The following ANKRD12 variants were observed in gnomAD, a reference collection of about 807,000 sequenced individuals.
ANKRD12 encodes ankyrin repeat domain 12.
ANKRD12 carries 85 observed loss-of-function variants against 183.4 expected under a neutral mutation model. The observed-to-expected ratio is 0.46, with a 90% CI of 0.39 to 0.56. The LOEUF (loss-of-function observed/expected upper bound fraction) is 0.56. Ranked by LOEUF, ANKRD12 falls within the 20% of genes least tolerant of loss-of-function variation. ANKRD12 has a pLI of 0.00. For missense variants in ANKRD12, 2,405 were observed against 2,357.1 expected (o/e 1.02, Z -0.42); for synonymous variants, 914 against 800.2 (o/e 1.14, Z -2.40).
At chr18:9,187,986 T>C (rs1174913449) in intron 2 of ANKRD12, among the ~76,000 whole-genome samples, 1 of 152,218 alleles carries the variant, frequency 6.6e-6, no homozygotes. Flanking sequence ...AATTAGAAAA[T>C]ACATATAAGA....
At chr18:9,280,291 G>A (rs1345502139) in intron 12 of ANKRD12, among the ~76,000 whole-genome samples, 3 of 152,120 alleles carry the variant, frequency 2.0e-5, no homozygotes, top group Non-Finnish European at 4.4e-5. Context: ...ATCTAATGCC[G>A]TTGCTGATCT....
chr18:9,235,593 T>A, intron 8 of ANKRD12: 1 of 456,230 alleles, frequency 2.2e-6, no homozygotes, highest in Non-Finnish European at 4.4e-6. Flanking sequence ...GTACTCCTGC[T>A]ATGGCCTTAT....
At chr18:9,178,182 T>C (rs2033426336) in intron 1 of ANKRD12, among the ~76,000 whole-genome samples, 1 of 152,222 alleles carries the variant, frequency 6.6e-6, no homozygotes, top group Non-Finnish European at 1.5e-5. Flanking sequence ...ATTACCTATT[T>C]AAGAAATCTT....
chr18:9,226,911 C>T (rs536937118), intron 8 of ANKRD12, among the ~76,000 whole-genome samples: 1 of 152,148 alleles, frequency 6.6e-6, no homozygotes, highest in African/African-American at 2.4e-5. Flanking sequence ...AGAAATATGC[C>T]AGATTATCCG....
intron 9 of ANKRD12, among the ~76,000 whole-genome samples, chr18:9,261,144 C>T (rs888594037): frequency 6.6e-6 from 1 of 152,180 alleles, no homozygotes; most frequent in Admixed American, 6.6e-5. Flanking sequence ...CAATTCCCTG[C>T]CTACAATCTT....
chr18:9,269,484 A>T lies in ANKRD12; in HGVS notation c.5763+5596A>T, dbSNP rs140809721. ...AGTGCCACATATCTACAACCATCTG[A>T]TCTTTGACAAACCTGACAAAAACAA... On this transcript the variant is annotated intron_variant, in intron 10 of 12. Transcript: ENST00000262126. 1.4e-3 allele frequency among the ~76,000 whole-genome samples: 217 copies of T among 152,326 alleles called. 3 individuals carry two copies. In the East Asian group the frequency reaches 0.038, roughly 27 times the overall value.
chr18:9,164,514 C>T (rs1048189164), intron 1 of ANKRD12, among the ~76,000 whole-genome samples: 2 of 152,118 alleles, frequency 1.3e-5, no homozygotes, highest in African/African-American at 4.8e-5. Flanking sequence ...TGGTATCTTC[C>T]TAGCTTTTTG....
chr18:9,204,489 A>G lies in ANKRD12; in HGVS notation c.249A>G (p.Gly83=). ...ERDSDTDSDP[G]HTSENWGERL... Reference sequence around the variant, plus strand: ...CTCATTCTGTAGATTCAGATCCAGGACATACAAGTGAAAATTGGGGGGAGA... The same window carrying G: ...CTCATTCTGTAGATTCAGATCCAGGGCATACAAGTGAAAATTGGGGGGAGA... Residue 83 remains glycine, a synonymous_variant, in exon 4 of 13, where the codon GGA becomes GGG. Coordinates refer to ENST00000262126, the MANE Select transcript of ANKRD12 (RefSeq NM_015208.5). 6.2e-7 allele frequency: 1 copy of G among 1,602,238 alleles called. No homozygotes were observed. Among genetic ancestry groups the G allele is most frequent in the Non-Finnish European group, 8.5e-7 (1 of 1,171,510 alleles).
chr18:9,168,707 G>A lies in ANKRD12; in HGVS notation c.-51-13675G>A, dbSNP rs565783802. 6.2e-3 allele frequency among the ~76,000 whole-genome samples: 950 copies of A among 152,134 alleles called. 10 individuals carry two copies. The highest frequency in any genetic ancestry group is 0.021 in the African/African-American group (891 of 41,496). Reference sequence around the variant, plus strand: ...ATTAATTTTTTGAAGGGTTTTTTGTGTCTCTATTTCCTTCAGTTCTGCTCT... The same window carrying A: ...ATTAATTTTTTGAAGGGTTTTTTGTATCTCTATTTCCTTCAGTTCTGCTCT... On this transcript the variant is annotated intron_variant, in intron 1 of 12. Transcript: ENST00000262126.
intron 8 of ANKRD12, among the ~76,000 whole-genome samples, chr18:9,247,444 A>G (rs1389329790): frequency 1.3e-5 from 2 of 152,084 alleles, no homozygotes; most frequent in African/African-American, 4.8e-5. Flanking sequence ...GTGCCACTGC[A>G]CTCCAGCCTG....
Position 9,256,199 on chromosome 18 carries a change from A to G in ANKRD12, c.2932A>G (p.Ile978Val), listed in dbSNP as rs149878606. The change falls in exon 9 of 13, where the codon ATA becomes GTA. Residue 978 changes from isoleucine to valine, a missense_variant. Physicochemically the swap from Ile to Val is conservative, Grantham distance 29 (BLOSUM62 3). Around this residue, in one of 7 missense-constraint regions of ANKRD12, gnomAD observed 1,983 missense variants for 1,725.9 expected, o/e 1.15. Coordinates refer to ENST00000262126, the MANE Select transcript of ANKRD12 (RefSeq NM_015208.5). ...TATAAATATAACTAACTCCAAACAC[A>G]TACAGGAAGAAAAAAAATCAAGTAT... ...ESINITNSKH[I>V]QEEKKSSIVD... is the part of the protein sequence containing the mutation. The G allele has an allele frequency of 1.5e-4, 234 of 1,576,074 alleles. 2 individuals carry two copies. In the South Asian group the frequency reaches 2.6e-3, roughly 18 times the overall value.
rs183601351 is a variant in ANKRD12, at chr18:9,231,942, A to G, written c.943+9943A>G. ...ATTTTCAATCTGTATGTGTCCTCACAGGTAAAATACATTTCTTATAGGCAA... is the reference window on the plus strand; with the variant it reads ...ATTTTCAATCTGTATGTGTCCTCACGGGTAAAATACATTTCTTATAGGCAA... On this transcript the variant is annotated intron_variant, in intron 8 of 12. Coordinates refer to ENST00000262126, the MANE Select transcript of ANKRD12 (RefSeq NM_015208.5). Among the ~76,000 whole-genome samples the G allele has an allele frequency of 6.3e-3, 961 of 151,802 alleles. 6 individuals carry two copies. Among genetic ancestry groups the G allele is most frequent in the Middle Eastern group, 0.017 (5 of 294 alleles).
Position 9,284,219 on chromosome 18 carries a change from A to ACAAAGCACAATAAAG in ANKRD12, c.*3106_*3120dup, listed in dbSNP as rs1301933149. On this transcript the variant is annotated 3_prime_UTR_variant, in exon 13 of 13. Transcript: ENST00000262126. Reference sequence around the variant, plus strand: ...CAATTTGTAAAAAACGCCAATATGTACAAAGCACAATAAAGCAAAGCACAA... The same window carrying ACAAAGCACAATAAAG: ...CAATTTGTAAAAAACGCCAATATGTACAAAGCACAATAAAGCAAAGCACAATAAAGCAAAGCACAA... The ACAAAGCACAATAAAG allele has an allele frequency of 6.6e-6, 1 of 152,244 alleles. No individual in the cohort carries two copies. The highest frequency in any genetic ancestry group is 1.5e-5 in the Non-Finnish European group (1 of 68,042). 9.4% of individuals were successfully genotyped at this position (152,244 alleles called of 1,614,324 possible). A position where few individuals can be genotyped will look rare whatever the true frequency, so the allele number is the denominator to read the frequency against.
intron 12 of ANKRD12, among the ~76,000 whole-genome samples, chr18:9,280,196 C>G (rs1044505274): frequency 6.6e-6 from 1 of 152,154 alleles, no homozygotes; most frequent in Admixed American, 6.5e-5. Flanking sequence ...CACCTCAGAT[C>G]ATCAGACATT....
At chr18:9,262,018 A>C (rs2038996380) in intron 9 of ANKRD12, among the ~76,000 whole-genome samples, 1 of 152,270 alleles carries the variant, frequency 6.6e-6, no homozygotes, top group Admixed American at 6.5e-5. Flanking sequence ...GAATTACTGC[A>C]ATTAGAGGCC....
chr18:9,258,680 G>A lies in ANKRD12; in HGVS notation c.5413G>A (p.Ala1805Thr), dbSNP rs1452915874. The A allele has an allele frequency of 4.3e-6, 7 of 1,613,842 alleles. No homozygotes were observed. Among genetic ancestry groups the A allele is most frequent in the Non-Finnish European group, 5.1e-6 (6 of 1,179,884 alleles). The part of the protein sequence containing the change: ...PVQVSPSLLQ[A>T]KEKTQQSLAA... ...GCAAGTGAGTCCCTCTTTACTACAA[G>A]CAAAAGAGAAAACTCAGCAATCTCT... The change falls in exon 9 of 13, where the codon GCA becomes ACA. Residue 1805 changes from alanine to threonine, a missense_variant. Transcript: ENST00000262126.
chr18:9,160,207 G>A (rs915789507), intron 1 of ANKRD12, among the ~76,000 whole-genome samples: 6 of 152,230 alleles, frequency 3.9e-5, no homozygotes, highest in African/African-American at 1.4e-4. Flanking sequence ...CCTCAGCTAC[G>A]TGGACTCAGG....
intron 1 of ANKRD12, among the ~76,000 whole-genome samples, chr18:9,169,083 G>A (rs879246103): frequency 6.6e-6 from 1 of 152,118 alleles, no homozygotes; most frequent in Admixed American, 6.5e-5. Flanking sequence ...TGGTCTGAGA[G>A]ACAGTTTGTT....
intron 3 of ANKRD12, among the ~76,000 whole-genome samples, chr18:9,202,450 A>C (rs2035228703): frequency 6.6e-6 from 1 of 152,184 alleles, no homozygotes; most frequent in African/African-American, 2.4e-5. Context: ...TGATTTTTTC[A>C]TGGCAGTTAT....
Sources: gnomAD v4.1 joint callset for allele counts (sites outside exome capture counted in the v4.1 genomes callset) on GRCh38, gnomAD v4.1.1 for gene constraint, gnomAD v4.1.1 regional missense constraint, MANE v1.5 for transcripts, NCBI Gene and HGNC (gene_info 2026-07-23, HGNC 2026-07-21) for gene names.